The following COL19A1 variants were observed in gnomAD, a reference collection of about 807,000 sequenced individuals.
COL19A1 encodes the protein collagen alpha-1(XIX) chain.
COL19A1 carries 159 observed loss-of-function variants against 190.2 expected under a neutral mutation model. The ratio of observed to expected loss-of-function variants is 0.84; its 90% CI spans 0.73 to 0.95. The LOEUF is 0.95. Among genes scored for constraint, COL19A1 ranks in the 40% least tolerant of loss-of-function variants. The pLI is 0.00. For synonymous variants in COL19A1, 509 were observed against 458.9 expected (o/e 1.11, Z -1.39); for missense variants, 1,418 against 1,431.9 (o/e 0.99, Z 0.16).
chr6:69,923,831 A>G (rs946464078), intron 4 of COL19A1, among the ~76,000 whole-genome samples: 1 of 152,140 alleles, frequency 6.6e-6, no homozygotes. Context: ...CTGAACATTT[A>G]AGGTATTTTC....
At chr6:69,891,054 A>G in intron 2 of COL19A1, 1 of 348,710 alleles carries the variant, frequency 2.9e-6, no homozygotes, top group Non-Finnish European at 5.9e-6. Flanking sequence ...GACCATTTGG[A>G]GTTTGATGGC....
At chr6:69,900,408 A>T in intron 4 of COL19A1, 70 bp downstream of exon 4, 1 of 859,262 alleles carries the variant, frequency 1.2e-6, no homozygotes, top group Non-Finnish European at 1.7e-6. Flanking sequence ...GATTTCAAAT[A>T]ATTTGTTTTA....
At chr6:70,127,976 T>A (rs1785302609) in intron 17 of COL19A1, among the ~76,000 whole-genome samples, 1 of 152,224 alleles carries the variant, frequency 6.6e-6, no homozygotes, top group South Asian at 2.1e-4. Flanking sequence ...TAGAATGGAA[T>A]TCCTGCTCAA....
chr6:70,093,025 G>T (rs1027367456), intron 15 of COL19A1, among the ~76,000 whole-genome samples: 2 of 151,960 alleles, frequency 1.3e-5, no homozygotes, highest in African/African-American at 4.8e-5. Context: ...TGCATTATTT[G>T]TCCCTCTGCA....
chr6:70,145,020 C>A lies in COL19A1; in HGVS notation c.1770+13C>A, dbSNP rs548849274. On this transcript the variant is annotated intron_variant, in intron 25 of 50. Coordinates refer to ENST00000620364, the MANE Select transcript of COL19A1 (RefSeq NM_001858.6). ...GCCAGGGGAACCAGTAAGTATTAGC[C>A]CTTTTGTTAATATTTTTCTTGCAAG... 69 of 1,526,056 alleles carry A rather than the reference C, an allele frequency of 4.5e-5. No individual in the cohort carries two copies. Among genetic ancestry groups the A allele is most frequent in the Non-Finnish European group, 3.3e-5 (37 of 1,132,604 alleles). The allele number at this position is 1,526,056 out of a possible 1,614,324, so 94.5% of individuals were successfully genotyped here.
chr6:69,869,817 C>CT (rs1396154636), intron 1 of COL19A1, among the ~76,000 whole-genome samples: 2 of 152,124 alleles, frequency 1.3e-5, no homozygotes, highest in Non-Finnish European at 2.9e-5. Flanking sequence ...GTTAAGTGTG[C>CT]TCAAAGGGAA....
At chr6:69,984,655 G>A (rs1380102835) in intron 11 of COL19A1, among the ~76,000 whole-genome samples, 1 of 152,044 alleles carries the variant, frequency 6.6e-6, no homozygotes, top group Non-Finnish European at 1.5e-5. Context: ...TCTCTTGGTT[G>A]GCTGATGTTT....
chr6:70,156,096 C>T (rs781736916), intron 31 of COL19A1, 31 bp from the exon 32 acceptor site: 1 of 1,593,570 alleles, frequency 6.3e-7, no homozygotes, highest in South Asian at 1.1e-5. Context: ...TTTTATGACT[C>T]CCTCAGTAAC....
chr6:69,921,222 C>T (rs1400268202), intron 4 of COL19A1, among the ~76,000 whole-genome samples: 1 of 129,258 alleles, frequency 7.7e-6, no homozygotes, highest in Admixed American at 9.2e-5. Flanking sequence ...TATAATATAT[C>T]CATATGTATT....
chr6:70,005,174 C>A (rs1582663680), intron 11 of COL19A1, among the ~76,000 whole-genome samples: 1 of 152,232 alleles, frequency 6.6e-6, no homozygotes. Flanking sequence ...CATCCTCCGT[C>A]CAGTTCTGTA....
At chr6:70,046,176 T>C (rs1274269080) in intron 14 of COL19A1, among the ~76,000 whole-genome samples, 2 of 152,190 alleles carry the variant, frequency 1.3e-5, no homozygotes, top group African/African-American at 4.8e-5. Context: ...TCAAAAAATA[T>C]CTAGAATCTG....
chr6:70,194,954 A>G (rs1216117561), intron 48 of COL19A1, among the ~76,000 whole-genome samples: 1 of 151,630 alleles, frequency 6.6e-6, no homozygotes, highest in Middle Eastern at 3.2e-3. Flanking sequence ...TGCATTTCAT[A>G]CATATATTTC....
intron 50 of COL19A1, 82 bp downstream of exon 50, chr6:70,207,060 A>T: frequency 6.2e-7 from 1 of 1,602,074 alleles, no homozygotes; most frequent in Admixed American, 1.7e-5. Context: ...CTTATATGTC[A>T]AGTCGAGTGA....
At chr6:70,088,575 G>A (rs1415624933) in intron 15 of COL19A1, among the ~76,000 whole-genome samples, 1 of 152,062 alleles carries the variant, frequency 6.6e-6, no homozygotes, top group East Asian at 1.9e-4. Context: ...ATCATCCAAA[G>A]CCACTATGTC....
At position 70,149,931 on chromosome 6, in the gene COL19A1, C is replaced by T. The variant is rs367572819; in HGVS notation, c.1983+27C>T. On this transcript the variant is annotated intron_variant, in intron 29 of 50. Coordinates refer to ENST00000620364, the MANE Select transcript of COL19A1 (RefSeq NM_001858.6). ...TAAGGACTTTCTTTATCTACCCTCCCCCATTTTAATCTGCACCTGTGCCAC... is the reference window on the plus strand; with the variant it reads ...TAAGGACTTTCTTTATCTACCCTCCTCCATTTTAATCTGCACCTGTGCCAC... 1.5e-5 allele frequency: 24 copies of T among 1,613,724 alleles called. No individual in the cohort carries two copies. The African/African-American group carries it at 3.1e-4, about 21-fold the overall frequency.
chr6:70,125,209 C>T (rs535808608), intron 17 of COL19A1, among the ~76,000 whole-genome samples: 1 of 152,276 alleles, frequency 6.6e-6, no homozygotes, highest in East Asian at 1.9e-4. Flanking sequence ...TGTATTGAGA[C>T]ATAGCAAGTG....
chr6:69,908,301 G>A (rs1353767836), intron 4 of COL19A1, among the ~76,000 whole-genome samples: 2 of 152,158 alleles, frequency 1.3e-5, no homozygotes, highest in East Asian at 3.8e-4. Flanking sequence ...GCCTATTTAT[G>A]CATCCCTTGG....
rs1780165751 is a variant in COL19A1, at chr6:70,050,885, A to G, written c.1170+14946A>G. On this transcript the variant is annotated intron_variant, in intron 14 of 50. Coordinates refer to ENST00000620364, the MANE Select transcript of COL19A1 (RefSeq NM_001858.6). ...CTGCAGACATGAACAAAAGCTTTAT[A>G]TAGCTTAATCCATTACTAAAGTCAT... 2.6e-5 allele frequency among the ~76,000 whole-genome samples: 4 copies of G among 152,162 alleles called. No homozygotes were observed. The South Asian group carries it at 8.3e-4, about 31-fold the overall frequency.
intron 9 of COL19A1, among the ~76,000 whole-genome samples, chr6:69,943,098 G>A (rs1002988928): frequency 6.6e-6 from 1 of 151,866 alleles, no homozygotes; most frequent in African/African-American, 2.4e-5. Context: ...TCTAAACTAG[G>A]GTAAGATGAT....
Sources: gnomAD v4.1 joint callset for allele counts (sites outside exome capture counted in the v4.1 genomes callset) on GRCh38, gnomAD v4.1.1 for gene constraint, MANE v1.5 for transcripts, NCBI Gene and HGNC (gene_info 2026-07-23, HGNC 2026-07-21) for gene names.